The following PRICKLE2 variants were observed in gnomAD, a reference collection of about 807,000 sequenced individuals.
PRICKLE2 encodes the protein prickle planar cell polarity protein 2, also known as prickle-like protein 2.
In PRICKLE2, 21 loss-of-function variants were observed where a neutral mutation model predicts 81.4. The ratio of observed to expected loss-of-function variants is 0.26; its 90% CI spans 0.18 to 0.37. The LOEUF is 0.37. Among genes scored for constraint, PRICKLE2 ranks in the 10% least tolerant of loss-of-function variants. The probability of loss-of-function intolerance (pLI) is 1.00; values close to 1 mark genes in which losing one functional copy is unlikely to be tolerated. For missense variants in PRICKLE2, 940 were observed against 1,109.0 expected (o/e 0.85, Z 2.16); for synonymous variants, 456 against 421.5 (o/e 1.08, Z -1.00).
At chr3:64,189,781 G>A (rs2078299049) in intron 2 of PRICKLE2, among the ~76,000 whole-genome samples, 1 of 152,158 alleles carries the variant, frequency 6.6e-6, no homozygotes, top group African/African-American at 2.4e-5. Context: ...AAGGTAGTAT[G>A]GACATAAATA....
At chr3:64,208,341 C>T (rs149666959) in intron 1 of PRICKLE2, among the ~76,000 whole-genome samples, 11 of 152,308 alleles carry the variant, frequency 7.2e-5, no homozygotes, top group South Asian at 2.1e-4. Flanking sequence ...GCACAAGCAA[C>T]GCTCCTCAAG....
chr3:64,207,464 G>C (rs1369414601), intron 1 of PRICKLE2, among the ~76,000 whole-genome samples: 1 of 152,054 alleles, frequency 6.6e-6, no homozygotes, highest in Non-Finnish European at 1.5e-5. Flanking sequence ...TTCATTCTAC[G>C]TGTTCCTCAT....
intron 1 of PRICKLE2, among the ~76,000 whole-genome samples, chr3:64,220,724 T>C (rs1477895322): frequency 6.6e-6 from 1 of 152,124 alleles, no homozygotes. Context: ...ATGCCTCCAG[T>C]TCCAACCAGC....
intron 1 of PRICKLE2, among the ~76,000 whole-genome samples, chr3:64,221,455 A>ACACG (rs1213430112): frequency 6.7e-6 from 1 of 149,542 alleles, no homozygotes; most frequent in African/African-American, 2.5e-5. Flanking sequence ...ACACACACAC[A>ACACG]CACGCACACA....
chr3:64,110,889 G>A (rs1310301528), intron 7 of PRICKLE2, among the ~76,000 whole-genome samples: 2 of 149,684 alleles, frequency 1.3e-5, no homozygotes, highest in Non-Finnish European at 3.0e-5. Flanking sequence ...GTGAATCCAG[G>A]AGGCGGAGCT....
chr3:64,252,898 G>C (rs1398762249), intron 2 of PRICKLE2, among the ~76,000 whole-genome samples: 3 of 152,170 alleles, frequency 2.0e-5, no homozygotes, highest in Admixed American at 6.5e-5. Context: ...CAAGACAAAA[G>C]TAAATGGGCA....
intron 5 of PRICKLE2, among the ~76,000 whole-genome samples, chr3:64,155,438 AGG>A (rs2077618797): frequency 1.3e-5 from 2 of 151,992 alleles, no homozygotes; most frequent in Non-Finnish European, 2.9e-5. Flanking sequence ...CATTGATAGC[AGG>A]AATGTAAAAT....
intron 1 of PRICKLE2, among the ~76,000 whole-genome samples, chr3:64,203,486 A>C (rs2078626335): frequency 6.6e-6 from 1 of 152,216 alleles, no homozygotes; most frequent in Non-Finnish European, 1.5e-5. Flanking sequence ...ACTTTTACCA[A>C]ATTCAGTCCC....
chr3:64,135,934 T>C lies in PRICKLE2; in HGVS notation c.1660+10896A>G, dbSNP rs556085416. On this transcript the variant is annotated intron_variant, in intron 7 of 7. Coordinates refer to ENST00000638394, the MANE Select transcript of PRICKLE2 (RefSeq NM_198859.4). ...TTGATTCTAGAGCGGAAACAGGTCC[T>C]ATTTCAAGATTAGAGTGTTTTGTTG... 1.1e-4 allele frequency among the ~76,000 whole-genome samples: 16 copies of C among 152,330 alleles called. No homozygotes were observed. The South Asian group carries it at 3.3e-3, about 32-fold the overall frequency.
chr3:64,172,613 G>A (rs1003797123), intron 2 of PRICKLE2, among the ~76,000 whole-genome samples: 1 of 152,178 alleles, frequency 6.6e-6, no homozygotes, highest in African/African-American at 2.4e-5. Flanking sequence ...CAAAGAGAGA[G>A]GCACAGGCTG....
In PRICKLE2 at chr3:64,158,626, C is replaced by T. The variant is rs116653110; in HGVS notation, c.397-1261G>A. On this transcript the variant is annotated intron_variant, in intron 4 of 7. Transcript: ENST00000638394. The stretch of plus-strand genomic sequence containing the variant: ...TGCCCAACCTTCCTTCTCCCTTAGG[C>T]AAACTCAGCTTGCCTGGTTCCAGGA... 9.4e-3 allele frequency among the ~76,000 whole-genome samples: 1,437 copies of T among 152,320 alleles called. 26 individuals are homozygous for T. The highest frequency in any genetic ancestry group is 0.032 in the African/African-American group (1,337 of 41,564).
chr3:64,255,942 C>T (rs183771137), intron 2 of PRICKLE2, among the ~76,000 whole-genome samples: 7 of 152,144 alleles, frequency 4.6e-5, no homozygotes, highest in South Asian at 2.1e-4. Context: ...AACTATGGAG[C>T]GACTCTGAGG....
rs180923528 is a variant in PRICKLE2 at position 64,208,872 on chromosome 3, A to C, written c.-40-9905T>G. ...TACCTTGTTTTAGGTACAGTGTCAA[A>C]ATATTCCTTCTCTTATTCCATCCAT... On this transcript the variant is annotated intron_variant, in intron 1 of 7. Transcript: ENST00000638394. Among the ~76,000 whole-genome samples the C allele has an allele frequency of 3.4e-3, 522 of 152,276 alleles. 4 individuals carry two copies. The highest frequency in any genetic ancestry group is 0.012 in the African/African-American group (481 of 41,542).
intron 2 of PRICKLE2, among the ~76,000 whole-genome samples, chr3:64,267,712 G>T (rs2079732083): frequency 1.3e-5 from 2 of 152,192 alleles, no homozygotes; most frequent in African/African-American, 4.8e-5. Context: ...CTGACACTCA[G>T]ACCCTCAGTT....
intron 2 of PRICKLE2, among the ~76,000 whole-genome samples, chr3:64,176,732 G>A (rs1374343869): frequency 6.6e-6 from 1 of 152,188 alleles, no homozygotes; most frequent in African/African-American, 2.4e-5. Flanking sequence ...CAGAAAATAT[G>A]AAAATGAAGG....
intron 1 of PRICKLE2, among the ~76,000 whole-genome samples, chr3:64,202,897 T>C (rs754813744): frequency 1.1e-4 from 17 of 152,194 alleles, no homozygotes; most frequent in Non-Finnish European, 2.2e-4. Flanking sequence ...ATGTTAGCCA[T>C]GAGTTATTTG....
intron 2 of PRICKLE2, among the ~76,000 whole-genome samples, chr3:64,252,064 G>A (rs2079454257): frequency 6.6e-6 from 1 of 151,994 alleles, no homozygotes; most frequent in East Asian, 1.9e-4. Context: ...CTGGAGACAT[G>A]GCAAAGTGAT....
chr3:64,135,893 T>G (rs2077271762), intron 7 of PRICKLE2, among the ~76,000 whole-genome samples: 2 of 152,140 alleles, frequency 1.3e-5, no homozygotes, highest in South Asian at 2.1e-4. Flanking sequence ...CGGCTCATGA[T>G]CTCTTGATTT....
At chr3:64,254,275 C>T (rs900686186) in intron 2 of PRICKLE2, among the ~76,000 whole-genome samples, 1 of 152,096 alleles carries the variant, frequency 6.6e-6, no homozygotes, top group African/African-American at 2.4e-5. Flanking sequence ...AACACACAGC[C>T]AGGTTTAGAT....
Sources: gnomAD v4.1 joint callset for allele counts (sites outside exome capture counted in the v4.1 genomes callset) on GRCh38, gnomAD v4.1.1 for gene constraint, MANE v1.5 for transcripts, NCBI Gene and HGNC (gene_info 2026-07-23, HGNC 2026-07-21) for gene names.